Variants in NME5 observed in about 807,000 individuals in gnomAD.
NME5 encodes the protein nucleoside diphosphate kinase 5.
In NME5, 18 loss-of-function variants were observed where a neutral mutation model predicts 21.6. The observed-to-expected ratio is 0.83, with a 90% CI of 0.58 to 1.24. The LOEUF is 1.24. Among genes scored for constraint, NME5 ranks in the 50% most tolerant of loss-of-function variants. The pLI is 0.00. For missense variants in NME5, 223 were observed against 255.4 expected (o/e 0.87, Z 0.86); for synonymous variants, 70 against 80.6 (o/e 0.87, Z 0.71).
At chr5:138,136,645 TA>T (rs201720743) in intron 2 of NME5, among the ~76,000 whole-genome samples, 1 of 151,942 alleles carries the variant, frequency 6.6e-6, no homozygotes, top group African/African-American at 2.4e-5. Flanking sequence ...TTTTTTAAAT[TA>T]AAAAAATTTT....
intron 4 of NME5, among the ~76,000 whole-genome samples, chr5:138,120,397 C>T (rs567234492): frequency 1.1e-4 from 17 of 151,968 alleles, no homozygotes; most frequent in South Asian, 4.2e-4. Flanking sequence ...CTAATTAGTC[C>T]GGCTAATTTT....
In NME5 at chr5:138,117,838, C is replaced by G. The variant is rs925800841; in HGVS notation, c.555+980G>C. ...TCTCTACTAAAAATACAAAAATTAC[C>G]CGGGCGTGGTGGTGTTCGCCTGTAA... is the stretch of plus-strand genomic sequence containing the variant. On this transcript the variant is annotated intron_variant, in intron 5 of 5. Coordinates refer to ENST00000265191, the MANE Select transcript of NME5 (RefSeq NM_003551.3). Among the ~76,000 whole-genome samples, 6 of 151,894 alleles carry G rather than the reference C, an allele frequency of 4.0e-5. No homozygotes were observed. The East Asian group carries it at 1.2e-3, about 30-fold the overall frequency.
In NME5 at chr5:138,119,653, TTTTC is replaced by T. The variant is rs758229012; in HGVS notation, c.437-721_437-718del. Among the ~76,000 whole-genome samples the T allele has an allele frequency of 2.4e-3, 316 of 130,046 alleles. 1 individual carries two copies. Among genetic ancestry groups the T allele is most frequent in the Non-Finnish European group, 4.5e-3 (270 of 59,352 alleles). The allele number at this position is 130,046 out of a possible 152,430, so 85.3% of individuals were successfully genotyped here. On this transcript the variant is annotated intron_variant, in intron 4 of 5. Transcript: ENST00000265191. ...ACCAGCCTGTTTTCTTTTTCTTTTCTTTTCTTTATTTTTTTTTTTTTGAGACAGA... is the reference window on the plus strand; with the variant it reads ...ACCAGCCTGTTTTCTTTTTCTTTTCTTTTATTTTTTTTTTTTTGAGACAGA...
chr5:138,123,670 A>C (rs892454982), intron 4 of NME5, among the ~76,000 whole-genome samples: 1 of 152,192 alleles, frequency 6.6e-6, no homozygotes, highest in Non-Finnish European at 1.5e-5. Context: ...TGCCACAATG[A>C]ACATTATTGT....
In NME5 at chr5:138,129,453, G is replaced by A. The variant is rs767579916; in HGVS notation, c.145C>T (p.Leu49Phe). ...AAGTTACTACATTGCTCAGGGCTGAGGCGTAGTTTTCTTCTCTATAAAAGA... is the reference window on the plus strand; with the variant it reads ...AAGTTACTACATTGCTCAGGGCTGAAGCGTAGTTTTCTTCTCTATAAAAGA... ...FTIVQRRKLR[L>F]SPEQCSNFYV... is the part of the protein sequence containing the mutation. Residue 49 changes from leucine (L) to phenylalanine (F), a missense_variant, in exon 3 of 6, where the codon CTC (leucine) becomes TTC (phenylalanine). Leu to Phe is a conservative substitution (Grantham distance 22). Transcript: ENST00000265191. 41 of 1,613,608 alleles carry A rather than the reference G, an allele frequency of 2.5e-5. No individual in the cohort carries two copies. In the African/African-American group the frequency reaches 4.8e-4, roughly 19 times the overall value.
chr5:138,118,800 A>C lies in NME5; in HGVS notation c.555+18T>G, dbSNP rs1561585767. On this transcript the variant is annotated intron_variant, in intron 5 of 5. Transcript: ENST00000265191. ...CCTGGTGACAATATTCTTAAGTGTG[A>C]ATAAAAATATTTCTTACCAAAGGAT... 3 of 1,501,218 alleles carry C rather than the reference A, an allele frequency of 2.0e-6. No homozygotes were observed. Among genetic ancestry groups the C allele is most frequent in the Non-Finnish European group, 2.8e-6 (3 of 1,077,622 alleles). 93.0% of individuals were successfully genotyped at this position (1,501,218 alleles called of 1,614,324 possible).
chr5:138,122,133 T>C (rs1178609119), intron 4 of NME5, among the ~76,000 whole-genome samples: 3 of 152,232 alleles, frequency 2.0e-5, no homozygotes, highest in African/African-American at 7.2e-5. Context: ...GAATTGCACT[T>C]TCATTAAATT....
At chr5:138,135,496 A>C (rs1386852341) in intron 2 of NME5, among the ~76,000 whole-genome samples, 1 of 151,440 alleles carries the variant, frequency 6.6e-6, no homozygotes, top group African/African-American at 2.4e-5. Flanking sequence ...CACCACACCC[A>C]GGTAATTTTC....
At chr5:138,120,403 A>AT (rs547796512) in intron 4 of NME5, among the ~76,000 whole-genome samples, 21 of 151,494 alleles carry the variant, frequency 1.4e-4, no homozygotes, top group African/African-American at 4.9e-4. Flanking sequence ...AGTCCGGCTA[A>AT]TTTTTTTGTA....
In NME5 at chr5:138,117,145, G is replaced by T. The variant is rs554693803; in HGVS notation, c.556-1381C>A. Among the ~76,000 whole-genome samples the T allele has an allele frequency of 2.5e-4, 37 of 149,100 alleles. 1 individual carries two copies. Among genetic ancestry groups the T allele is most frequent in the Non-Finnish European group, 4.3e-4 (29 of 67,528 alleles). On this transcript the variant is annotated intron_variant, in intron 5 of 5. Coordinates refer to ENST00000265191, the MANE Select transcript of NME5 (RefSeq NM_003551.3). ...AATCACTTGAACTCAGGAGGCAGAGGTTGAAGTGAGCCGAGATGGCGCCAC... is the reference window on the plus strand; with the variant it reads ...AATCACTTGAACTCAGGAGGCAGAGTTTGAAGTGAGCCGAGATGGCGCCAC...
intron 2 of NME5, among the ~76,000 whole-genome samples, chr5:138,135,189 G>T (rs1751668682): frequency 2.1e-5 from 3 of 146,082 alleles, no homozygotes; most frequent in Non-Finnish European, 3.0e-5. Context: ...GTGGTGGAGG[G>T]TGCCTGTAGT....
chr5:138,119,943 A>ATT lies in NME5; in HGVS notation c.437-1009_437-1008dup, dbSNP rs200143940. 1.1e-3 allele frequency among the ~76,000 whole-genome samples: 167 copies of ATT among 146,368 alleles called. 3 individuals are homozygous for ATT. The highest frequency in any genetic ancestry group is 9.1e-3 in the South Asian group (43 of 4,722). Reference sequence around the variant, plus strand: ...TCATATTTTTAAAAATTTAACTTCTATTTTTTTTTTTGACACAGGGTCTTG... The same window carrying ATT: ...TCATATTTTTAAAAATTTAACTTCTATTTTTTTTTTTTTGACACAGGGTCTTG... On this transcript the variant is annotated intron_variant, in intron 4 of 5. Coordinates refer to ENST00000265191, the MANE Select transcript of NME5 (RefSeq NM_003551.3).
intron 4 of NME5, chr5:138,123,001 T>C (rs1751321088): frequency 1.3e-5 from 2 of 152,116 alleles, no homozygotes; most frequent in African/African-American, 4.8e-5. Flanking sequence ...TTTTAACTTA[T>C]AAGTGTACTT....
At chr5:138,126,314 G>C (rs1751423953) in intron 4 of NME5, among the ~76,000 whole-genome samples, 1 of 151,358 alleles carries the variant, frequency 6.6e-6, no homozygotes, top group Non-Finnish European at 1.5e-5. Context: ...GTTCGAGACT[G>C]GCCTGGGAAA....
intron 4 of NME5, among the ~76,000 whole-genome samples, chr5:138,125,670 A>G (rs1248409703): frequency 6.6e-6 from 1 of 152,214 alleles, no homozygotes; most frequent in Non-Finnish European, 1.5e-5. Context: ...GCTGGAGTAC[A>G]GTGGTACAAT....
intron 5 of NME5, chr5:138,116,609 T>C (rs979001998): frequency 2.0e-5 from 3 of 152,210 alleles, no homozygotes; most frequent in African/African-American, 7.2e-5. Context: ...AAAACTGGAA[T>C]GATACAGAGA....
At chr5:138,134,084 T>C (rs958767065) in intron 2 of NME5, among the ~76,000 whole-genome samples, 1 of 152,180 alleles carries the variant, frequency 6.6e-6, no homozygotes, top group African/African-American at 2.4e-5. Context: ...CATATATATT[T>C]ACATTAAATT....
intron 5 of NME5, 79 bp downstream of exon 5, chr5:138,118,739 C>T: frequency 1.1e-6 from 1 of 945,112 alleles, no homozygotes. Flanking sequence ...GCCTTGGCCT[C>T]CCAAAGTGCT....
rs200457157 is a variant in NME5, at chr5:138,117,166, G to A, written c.556-1402C>T. ...AGAGGTTGAAGTGAGCCGAGATGGC[G>A]CCACCAGACTCCAGCATGGGGAACA... On this transcript the variant is annotated intron_variant, in intron 5 of 5. Transcript: ENST00000265191. Among the ~76,000 whole-genome samples the A allele has an allele frequency of 8.8e-5, 12 of 135,726 alleles. No homozygotes were observed. The South Asian group carries it at 1.2e-3, about 13-fold the overall frequency. 89.0% of individuals were successfully genotyped at this position (135,726 alleles called of 152,430 possible).
Sources: gnomAD v4.1 joint callset for allele counts (sites outside exome capture counted in the v4.1 genomes callset) on GRCh38, gnomAD v4.1.1 for gene constraint, MANE v1.5 for transcripts, NCBI Gene and HGNC (gene_info 2026-07-23, HGNC 2026-07-21) for gene names.